The following RPS6KC1 variants were observed in gnomAD, a reference collection of about 807,000 sequenced individuals.
RPS6KC1 encodes inactive ribosomal protein S6 kinase delta-1.
A neutral mutation model predicts 103.8 loss-of-function variants in RPS6KC1; 54 were observed. The observed-to-expected ratio is 0.52, with a 90% CI of 0.42 to 0.65. RPS6KC1 has a LOEUF of 0.65. Ranked by LOEUF, RPS6KC1 falls within the 30% of genes least tolerant of loss-of-function variation. RPS6KC1 has a pLI of 0.00. For missense variants in RPS6KC1, 1,151 were observed against 1,253.8 expected, an observed-to-expected ratio of 0.92 and a Z score of 1.24; for synonymous variants, 439 against 438.7, an observed-to-expected ratio of 1.00 and a Z score of -0.01.
intron 8 of RPS6KC1, among the ~76,000 whole-genome samples, chr1:213,189,439 C>T (rs944076899): frequency 4.9e-5 from 6 of 123,176 alleles, no homozygotes; most frequent in African/African-American, 6.4e-5. Context: ...ACAGAGTGAG[C>T]CTTTGTCTCA....
the RPS6KC1 span, among the ~76,000 whole-genome samples, chr1:213,283,029 C>G: frequency 6.6e-6 from 1 of 152,282 alleles, no homozygotes; most frequent in African/African-American, 2.4e-5. Flanking sequence ...GGTTGTAGTT[C>G]TGCTTCACTA....
chr1:213,167,778 T>C (rs992777235), intron 6 of RPS6KC1, 80 bp from the exon 7 acceptor site: 2 of 680,096 alleles, frequency 2.9e-6, no homozygotes, highest in African/African-American at 1.8e-5. Flanking sequence ...GAACAAGCAG[T>C]GTATTGGGTA....
chr1:213,761,099 A>G, the RPS6KC1 span, among the ~76,000 whole-genome samples: 1 of 151,962 alleles, frequency 6.6e-6, no homozygotes, highest in African/African-American at 2.4e-5. Context: ...TTTTTGAGAT[A>G]AAGCCTTCAT....
intron 2 of RPS6KC1, among the ~76,000 whole-genome samples, 190 bp downstream of exon 2, chr1:213,071,231 G>C (rs2078845504): frequency 6.6e-6 from 1 of 152,168 alleles, no homozygotes; most frequent in South Asian, 2.1e-4. Flanking sequence ...CTGGGTTCAA[G>C]TGATTCTCCT....
At chr1:213,734,687 A>G in the RPS6KC1 span, among the ~76,000 whole-genome samples, 1 of 152,276 alleles carries the variant, frequency 6.6e-6, no homozygotes, top group Non-Finnish European at 1.5e-5. Context: ...AGGCCCACTG[A>G]TTAACATACT....
the RPS6KC1 span, among the ~76,000 whole-genome samples, chr1:213,476,313 T>C: frequency 2.6e-5 from 4 of 152,122 alleles, 1 homozygote; most frequent in African/African-American, 7.2e-5. Context: ...GGATGAGAGA[T>C]CAAATCTGTC....
chr1:213,362,103 G>A, the RPS6KC1 span, among the ~76,000 whole-genome samples: 1 of 152,146 alleles, frequency 6.6e-6, no homozygotes, highest in Admixed American at 6.5e-5. Context: ...AGGGATGTCA[G>A]GTTTGAGAAC....
At chr1:213,277,546 A>C (rs1334917716), downstream of RPS6KC1, among the ~76,000 whole-genome samples, 3 of 152,224 alleles carry the variant, frequency 2.0e-5, no homozygotes, top group Non-Finnish European at 4.4e-5. Flanking sequence ...TCTGGATTTA[A>C]AGTCTAATTC....
chr1:213,783,855 A>C, the RPS6KC1 span, among the ~76,000 whole-genome samples: 1 of 150,842 alleles, frequency 6.6e-6, no homozygotes, highest in African/African-American at 2.4e-5. Context: ...CAAACCACAC[A>C]AATAAGAGCT....
chr1:213,599,239 A>G, the RPS6KC1 span, among the ~76,000 whole-genome samples: 1 of 152,186 alleles, frequency 6.6e-6, no homozygotes, highest in Admixed American at 6.5e-5. Flanking sequence ...CTGGTGATCA[A>G]TAAGGCAGAT....
At chr1:213,520,987 C>T in the RPS6KC1 span, among the ~76,000 whole-genome samples, 1 of 152,150 alleles carries the variant, frequency 6.6e-6, no homozygotes, top group African/African-American at 2.4e-5. Context: ...ATAGTCTATA[C>T]CTAGTGCATT....
the RPS6KC1 span, among the ~76,000 whole-genome samples, chr1:213,730,331 C>T: frequency 1.3e-5 from 2 of 152,126 alleles, no homozygotes; most frequent in African/African-American, 4.8e-5. Context: ...TTGTTTAGGA[C>T]TTTGAGGAAT....
At chr1:213,857,885 C>CA in the RPS6KC1 span, among the ~76,000 whole-genome samples, 2 of 152,190 alleles carry the variant, frequency 1.3e-5, no homozygotes, top group African/African-American at 2.4e-5. Context: ...GACAGGCCAT[C>CA]AGTCTCCCAA....
the RPS6KC1 span, among the ~76,000 whole-genome samples, chr1:213,628,773 G>A: frequency 2.0e-5 from 3 of 151,918 alleles, no homozygotes; most frequent in African/African-American, 7.3e-5. Flanking sequence ...AGAGATTCTG[G>A]TATGTTGTGT....
the RPS6KC1 span, among the ~76,000 whole-genome samples, chr1:213,336,615 T>C: frequency 1.3e-5 from 2 of 152,204 alleles, no homozygotes; most frequent in African/African-American, 4.8e-5. Flanking sequence ...ATCACATACC[T>C]TTTCCAATTT....
At chr1:213,597,118 A>T in the RPS6KC1 span, among the ~76,000 whole-genome samples, 1 of 152,154 alleles carries the variant, frequency 6.6e-6, no homozygotes, top group Non-Finnish European at 1.5e-5. Context: ...TTTCCTTACT[A>T]TGTGGATGTT....
intron 8 of RPS6KC1, among the ~76,000 whole-genome samples, chr1:213,200,130 A>G (rs1242461331): frequency 6.6e-6 from 1 of 152,216 alleles, no homozygotes; most frequent in Non-Finnish European, 1.5e-5. Context: ...ACTAGAAAAA[A>G]CTATTTTAAA....
chr1:213,367,519 C>T, the RPS6KC1 span, among the ~76,000 whole-genome samples: 1 of 152,190 alleles, frequency 6.6e-6, no homozygotes, highest in African/African-American at 2.4e-5. Flanking sequence ...ACATAGCCTA[C>T]CATGAGTTCT....
chr1:213,189,898 G>A lies in RPS6KC1; in HGVS notation c.1044+13406G>A, dbSNP rs370272580. Among the ~76,000 whole-genome samples the A allele has an allele frequency of 3.7e-4, 56 of 152,188 alleles. 1 individual carries two copies. The East Asian group carries it at 7.9e-3, about 22-fold the overall frequency. ...AACTCCCATAAATAAGTGAGTACATGCAAAGTTTGTCTTTTTGTGCCTGAC... is the reference window on the plus strand; with the variant it reads ...AACTCCCATAAATAAGTGAGTACATACAAAGTTTGTCTTTTTGTGCCTGAC... On this transcript the variant is annotated intron_variant, in intron 8 of 14. Transcript: ENST00000366960.
Sources: gnomAD v4.1 joint callset for allele counts (sites outside exome capture counted in the v4.1 genomes callset) on GRCh38, gnomAD v4.1.1 for gene constraint, MANE v1.5 for transcripts, NCBI Gene and HGNC (gene_info 2026-07-23, HGNC 2026-07-21) for gene names.